MEGF10: variants seen among roughly 807,000 people sequenced by gnomAD.
MEGF10 encodes the protein multiple EGF like domains 10.
MEGF10 carries 86 observed loss-of-function variants against 147.5 expected under a neutral mutation model. The observed-to-expected ratio is 0.58, with a 90% CI of 0.49 to 0.70. MEGF10 has a LOEUF of 0.70. Among genes scored for constraint, MEGF10 ranks in the 30% least tolerant of loss-of-function variants. MEGF10 has a pLI of 0.00. For synonymous variants in MEGF10, 478 were observed against 525.5 expected, an observed-to-expected ratio of 0.91 and a Z score of 1.24; for missense variants, 1,329 against 1,487.3, an observed-to-expected ratio of 0.89 and a Z score of 1.75.
intron 8 of MEGF10, among the ~76,000 whole-genome samples, chr5:127,407,240 T>C (rs892439616): frequency 6.6e-6 from 1 of 152,178 alleles, no homozygotes; most frequent in Non-Finnish European, 1.5e-5. Context: ...AGCTGATTCG[T>C]AGATTCCAGG....
chr5:127,381,438 T>G (rs762887472), intron 5 of MEGF10, among the ~76,000 whole-genome samples: 9 of 152,240 alleles, frequency 5.9e-5, no homozygotes, highest in Non-Finnish European at 1.2e-4. Context: ...ACAAACCATT[T>G]TCTGACTGTA....
chr5:127,285,403 T>G, the MEGF10 span, among the ~76,000 whole-genome samples: 1 of 152,134 alleles, frequency 6.6e-6, no homozygotes, highest in African/African-American at 2.4e-5. Flanking sequence ...GATGTCAAGA[T>G]TAATAGCAAA....
rs1450012271 is a variant in MEGF10, at chr5:127,398,776, T to G, written c.760T>G (p.Ser254Ala). Residue 254 changes from serine to alanine, a missense_variant, in exon 7 of 25, where the codon TCT becomes GCT. Coordinates refer to ENST00000503335, the MANE Select transcript of MEGF10 (RefSeq NM_001256545.2). ...GTGTCATCACGTCACTGGAGAATGC[T>G]CTTGCCCTTCTGGCTGGATGGTAAG... ...GVCHHVTGEC[S>A]CPSGWMGTVC... The G allele has an allele frequency of 1.6e-5, 26 of 1,613,712 alleles. No individual in the cohort carries two copies. The highest frequency in any genetic ancestry group is 1.7e-4 in the Middle Eastern group (1 of 5,956).
chr5:127,309,469 C>A (rs1464578323), intron 1 of MEGF10, among the ~76,000 whole-genome samples: 1 of 152,174 alleles, frequency 6.6e-6, no homozygotes, highest in Non-Finnish European at 1.5e-5. Flanking sequence ...CAGCCCTTGG[C>A]AACCACCATT....
At chr5:127,311,745 C>T (rs1482801652) in intron 1 of MEGF10, among the ~76,000 whole-genome samples, 1 of 152,172 alleles carries the variant, frequency 6.6e-6, no homozygotes, top group Non-Finnish European at 1.5e-5. Context: ...CCCTCACTCG[C>T]CTATGTATAG....
In MEGF10 at chr5:127,428,141, ATT is replaced by A. The variant is rs66935934; in HGVS notation, c.1694-5200_1694-5199del. Among the ~76,000 whole-genome samples the A allele has an allele frequency of 6.5e-3, 677 of 103,578 alleles. 1 individual carries two copies. The highest frequency in any genetic ancestry group is 0.022 in the Middle Eastern group (4 of 178). The allele number at this position is 103,578 out of a possible 152,430, so 68.0% of individuals were successfully genotyped here. On this transcript the variant is annotated intron_variant, in intron 13 of 24. Coordinates refer to ENST00000503335, the MANE Select transcript of MEGF10 (RefSeq NM_001256545.2). ...ACTGAGGCAGGCCATGGTGTCTGGT[ATT>A]TTTTTTTTTTTTTTTTTTTTTGTCT...
At chr5:127,286,520 GA>G (rs34690687), upstream of MEGF10, among the ~76,000 whole-genome samples, 4 of 151,790 alleles carry the variant, frequency 2.6e-5, no homozygotes, top group African/African-American at 9.7e-5. Context: ...ATGGGTTAAA[GA>G]AAAAATATTT....
Position 127,359,054 on chromosome 5 carries a change from TTTTG to T in MEGF10, c.320-10852_320-10849del, listed in dbSNP as rs575868189. Among the ~76,000 whole-genome samples, 340 of 148,910 alleles carry T rather than the reference TTTTG, an allele frequency of 2.3e-3. 2 individuals are homozygous for T. Among genetic ancestry groups the T allele is most frequent in the African/African-American group, 8.2e-3 (322 of 39,050 alleles). On this transcript the variant is annotated intron_variant, in intron 4 of 24. Coordinates refer to ENST00000503335, the MANE Select transcript of MEGF10 (RefSeq NM_001256545.2). ...CAACAGACTATTTCAACACAAGCTG[TTTTG>T]TTTTTTTTTTTTTCTGTATGAGTCA...
intron 4 of MEGF10, among the ~76,000 whole-genome samples, chr5:127,345,281 G>A: frequency 6.6e-6 from 1 of 152,250 alleles, no homozygotes; most frequent in South Asian, 2.1e-4. Flanking sequence ...CTTTTGGGGA[G>A]GCTGGTAAAA....
intron 1 of MEGF10, among the ~76,000 whole-genome samples, chr5:127,328,031 ACTT>A (rs1489406371): frequency 1.3e-5 from 2 of 152,096 alleles, no homozygotes; most frequent in Admixed American, 1.3e-4. Flanking sequence ...TGTCCTATCA[ACTT>A]CTGATTTTGA....
chr5:127,397,107 G>T (rs1384027730), intron 6 of MEGF10, among the ~76,000 whole-genome samples: 1 of 152,146 alleles, frequency 6.6e-6, no homozygotes, highest in Non-Finnish European at 1.5e-5. Context: ...GATTCTGTTT[G>T]GATCTCCCGA....
At chr5:127,443,236 T>G in intron 19 of MEGF10, 110 bp downstream of exon 19, 1 of 1,167,206 alleles carries the variant, frequency 8.6e-7, no homozygotes. Context: ...TCACCACAAC[T>G]CTAAATGGCA....
chr5:127,430,672 G>C (rs1188921001), intron 13 of MEGF10, among the ~76,000 whole-genome samples: 2 of 152,118 alleles, frequency 1.3e-5, no homozygotes, highest in Non-Finnish European at 2.9e-5. Context: ...AAAATAACTA[G>C]GAGGGCACAG....
chr5:127,445,279 G>C (rs1398212110), intron 19 of MEGF10, 178 bp from the exon 20 acceptor site: 4 of 607,452 alleles, frequency 6.6e-6, no homozygotes, highest in Non-Finnish European at 1.2e-5. Context: ...GGCATGGATA[G>C]GCCGACAACA....
At chr5:127,248,379 G>A in the MEGF10 span, among the ~76,000 whole-genome samples, 2 of 151,870 alleles carry the variant, frequency 1.3e-5, no homozygotes, top group African/African-American at 4.8e-5. Flanking sequence ...CCATAACAAA[G>A]ATTTAAAAAA....
rs377072078 is a variant in MEGF10, at chr5:127,305,950, C to T, written c.-19+14894C>T. ...GATCACCTTAATCTGTTTATAGAAGCTCGAGCATGTGCTTATGTGTAGCTC... is the reference window on the plus strand; with the variant it reads ...GATCACCTTAATCTGTTTATAGAAGTTCGAGCATGTGCTTATGTGTAGCTC... On this transcript the variant is annotated intron_variant, in intron 1 of 24. Transcript: ENST00000503335. 6.6e-5 allele frequency among the ~76,000 whole-genome samples: 10 copies of T among 152,272 alleles called. 1 individual carries two copies. Among genetic ancestry groups the T allele is most frequent in the Admixed American group, 4.6e-4 (7 of 15,294 alleles).
intron 5 of MEGF10, among the ~76,000 whole-genome samples, chr5:127,371,158 G>A (rs899465471): frequency 6.6e-5 from 10 of 151,082 alleles, no homozygotes; most frequent in Admixed American, 4.6e-4. Context: ...GTGTGAAAGA[G>A]CCTTTTAACT....
chr5:127,306,233 T>C (rs903215760), intron 1 of MEGF10, among the ~76,000 whole-genome samples: 4 of 152,172 alleles, frequency 2.6e-5, no homozygotes, highest in Admixed American at 2.6e-4. Flanking sequence ...GAGACTACAG[T>C]GTTTTCATGG....
chr5:127,305,943 A>G (rs565469664), intron 1 of MEGF10, among the ~76,000 whole-genome samples: 2 of 152,324 alleles, frequency 1.3e-5, no homozygotes, highest in Admixed American at 1.3e-4. Context: ...TAATCTGTTT[A>G]TAGAAGCTCG....
Sources: allele counts gnomAD v4.1 joint callset (sites outside exome capture counted in the v4.1 genomes callset), GRCh38; gene constraint gnomAD v4.1.1; transcripts MANE v1.5; gene names NCBI Gene and HGNC (gene_info 2026-07-23, HGNC 2026-07-21).